Variants in FARP1 observed in about 807,000 individuals in gnomAD.
FARP1 encodes the protein FERM, ARHGEF and pleckstrin domain-containing protein 1.
In FARP1, 52 loss-of-function variants were observed where a neutral mutation model predicts 128.8. That is an observed-to-expected ratio of 0.40 (90% CI 0.32 to 0.51). FARP1 has a LOEUF of 0.51. Ranked by LOEUF, FARP1 falls within the 20% of genes least tolerant of loss-of-function variation. The pLI is 0.45. For synonymous variants in FARP1, 580 were observed against 551.8 expected, an observed-to-expected ratio of 1.05 and a Z score of -0.72; for missense variants, 1,333 against 1,367.9, an observed-to-expected ratio of 0.97 and a Z score of 0.40.
Position 98,351,852 on chromosome 13 carries a change from A to T in FARP1, c.276+7986A>T, listed in dbSNP as rs552840630. On this transcript the variant is annotated intron_variant, in intron 3 of 26. Transcript: ENST00000319562. The stretch of plus-strand genomic sequence containing the variant: ...GCTTATTACCCAAGGAGCTGGTGCC[A>T]AACCACTCATGAGGGACCCGTCCCC... 3.3e-5 allele frequency among the ~76,000 whole-genome samples: 5 copies of T among 152,152 alleles called. No homozygotes were observed. In the South Asian group the frequency reaches 8.3e-4, roughly 25 times the overall value.
In FARP1 at chr13:98,159,772, A is replaced by C. The variant is rs1445244758; in HGVS notation, c.-24+16280A>C. On this transcript the variant is annotated intron_variant, in intron 1 of 26. Coordinates refer to ENST00000319562, the MANE Select transcript of FARP1 (RefSeq NM_005766.4). The stretch of plus-strand genomic sequence containing the variant: ...AGTTGTAAGCCTCTGCGCCCAGCCT[A>C]CTTGTGATTTTAAAAAATATTCATT... Among the ~76,000 whole-genome samples, 21 of 152,196 alleles carry C rather than the reference A, an allele frequency of 1.4e-4. No individual in the cohort carries two copies. In the East Asian group the frequency reaches 4.1e-3, roughly 29 times the overall value.
At position 98,176,678 on chromosome 13, in the gene FARP1, C is replaced by T; in HGVS notation, c.-24+33186C>T. ...ATGTCAGGCTGGTAATCCCAGCGCA[C>T]AGTGGCGCGCAGATGCCCTGGCGCA... is the stretch of plus-strand genomic sequence containing the variant. On this transcript the variant is annotated intron_variant, in intron 1 of 26. Coordinates refer to ENST00000319562, the MANE Select transcript of FARP1 (RefSeq NM_005766.4). The surrounding 1 kb of genome is among the most constrained non-coding windows in gnomAD (Gnocchi z 6.2). 17 of 1,614,228 alleles carry T rather than the reference C, an allele frequency of 1.1e-5. No individual in the cohort carries two copies. The highest frequency in any genetic ancestry group is 1.4e-5 in the Non-Finnish European group (16 of 1,180,046).
chr13:98,358,784 T>A (rs1489013549), intron 3 of FARP1, among the ~76,000 whole-genome samples: 1 of 151,990 alleles, frequency 6.6e-6, no homozygotes, highest in Non-Finnish European at 1.5e-5. Flanking sequence ...TACAGGCACC[T>A]GCCACCACGC....
chr13:98,442,964 A>G (rs972704710), intron 24 of FARP1, among the ~76,000 whole-genome samples: 6 of 152,202 alleles, frequency 3.9e-5, no homozygotes, highest in African/African-American at 1.4e-4. Context: ...CAAATACCCA[A>G]GTGGGGTCCA....
intron 1 of FARP1, among the ~76,000 whole-genome samples, chr13:98,168,223 G>A (rs1456689996): frequency 6.6e-6 from 1 of 152,034 alleles, no homozygotes; most frequent in African/African-American, 2.4e-5. Context: ...CCATGCTGTT[G>A]TAATAGACTC....
rs1216568215 is a variant in FARP1, at chr13:98,429,680, G to T, written c.1906-1363G>T. Among the ~76,000 whole-genome samples the T allele has an allele frequency of 2.0e-5, 3 of 152,206 alleles. No individual in the cohort carries two copies. The East Asian group carries it at 5.8e-4, about 29-fold the overall frequency. On this transcript the variant is annotated intron_variant, in intron 17 of 26. Coordinates refer to ENST00000319562, the MANE Select transcript of FARP1 (RefSeq NM_005766.4). ...GCGGGGGCCCCAGCTGAGGCAGGAG[G>T]AAGTGGGCATGTGTCTGGACAGCTG...
intron 24 of FARP1, 34 bp downstream of exon 24, chr13:98,440,870 T>C: frequency 2.6e-6 from 4 of 1,557,370 alleles, no homozygotes; most frequent in Non-Finnish European, 3.5e-6. Context: ...GGTTCCCAGC[T>C]TGTGCTGGCC....
chr13:98,253,270 T>G (rs927899627), intron 2 of FARP1, among the ~76,000 whole-genome samples: 1 of 152,220 alleles, frequency 6.6e-6, no homozygotes, highest in African/African-American at 2.4e-5. Context: ...TTTATTTCTC[T>G]TAACCCACTG....
At chr13:98,310,476 T>G (rs1886410637) in intron 2 of FARP1, among the ~76,000 whole-genome samples, 1 of 152,256 alleles carries the variant, frequency 6.6e-6, no homozygotes, top group Admixed American at 6.5e-5. Context: ...TTGAAGAATT[T>G]GAAACTAGGA....
chr13:98,439,271 G>T, intron 21 of FARP1, 75 bp downstream of exon 21: 1 of 998,210 alleles, frequency 1.0e-6, no homozygotes. Context: ...ACCCGGCGAT[G>T]AGGAGGGAAG....
chr13:98,374,510 A>G (rs1225263809), intron 5 of FARP1, among the ~76,000 whole-genome samples: 1 of 152,178 alleles, frequency 6.6e-6, no homozygotes, highest in Non-Finnish European at 1.5e-5. Flanking sequence ...ATCTGGGCCT[A>G]TGTAAGTTAG....
At chr13:98,446,010 C>A in intron 24 of FARP1, 88 bp from the exon 25 acceptor site, 1 of 885,062 alleles carries the variant, frequency 1.1e-6, no homozygotes. Flanking sequence ...ATGCCCCAGC[C>A]CAGGGCCCTG....
intron 2 of FARP1, chr13:98,332,881 CAA>C (rs1452738860): frequency 6.6e-6 from 1 of 152,208 alleles, no homozygotes; most frequent in African/African-American, 2.4e-5. Context: ...CTTTGTTTTA[CAA>C]AGTCTTCACC....
chr13:98,145,753 C>T (rs1241441864), intron 1 of FARP1, among the ~76,000 whole-genome samples: 3 of 11,540 alleles, frequency 2.6e-4, no homozygotes, highest in Middle Eastern at 0.071. Flanking sequence ...ATCCCAGCTG[C>T]TCAGAGGCTA....
intron 2 of FARP1, among the ~76,000 whole-genome samples, chr13:98,220,544 C>T (rs1332674333): frequency 6.6e-6 from 1 of 152,122 alleles, no homozygotes; most frequent in African/African-American, 2.4e-5. Context: ...GGCTACTTTG[C>T]TTGGCATGGT....
At chr13:98,445,376 G>GTT (rs1555298095) in intron 24 of FARP1, 1 of 152,276 alleles carries the variant, frequency 6.6e-6, no homozygotes, top group African/African-American at 2.4e-5. Flanking sequence ...CCTGCTCAGA[G>GTT]TTGTTTGGAG....
chr13:98,281,860 T>C (rs58037757), intron 2 of FARP1, among the ~76,000 whole-genome samples: 1,816 of 152,294 alleles, frequency 0.012, 35 homozygotes, highest in African/African-American at 0.041. Flanking sequence ...TCAGCTGTTA[T>C]TTGGAGGGCA....
chr13:98,403,845 T>G (rs972530681), intron 13 of FARP1: 1 of 152,266 alleles, frequency 6.6e-6, no homozygotes, highest in Admixed American at 6.5e-5. Flanking sequence ...TGATCTAAAC[T>G]GAAGGGGCTT....
chr13:98,354,106 G>T (rs9513404), intron 3 of FARP1, among the ~76,000 whole-genome samples: 99,469 of 152,024 alleles, frequency 0.65, 33,988 homozygotes, highest in Non-Finnish European at 0.78. Flanking sequence ...TTGTAATATT[G>T]TCTTGGTTTG....
Sources: allele counts gnomAD v4.1 joint callset (sites outside exome capture counted in the v4.1 genomes callset), GRCh38; gene constraint gnomAD v4.1.1; non-coding constraint Gnocchi (gnomAD v3.1); transcripts MANE v1.5; gene names NCBI Gene and HGNC (gene_info 2026-07-23, HGNC 2026-07-21).